COL8A1: variants seen among roughly 807,000 people sequenced by gnomAD.
COL8A1 encodes the protein collagen type VIII alpha 1 chain, also known as collagen alpha-1(VIII) chain.
COL8A1 carries 21 observed loss-of-function variants against 42.7 expected under a neutral mutation model. That is an observed-to-expected ratio of 0.49 (90% confidence interval 0.35 to 0.71). COL8A1 has a LOEUF of 0.71. Ranked by LOEUF, COL8A1 falls within the 30% of genes least tolerant of loss-of-function variation. The pLI is 0.01. For missense variants in COL8A1, 788 were observed against 962.4 expected (o/e 0.82, Z 2.40); for synonymous variants, 367 against 369.1 (o/e 0.99, Z 0.06).
At chr3:99,640,449 G>A (rs922388978) in intron 1 of COL8A1, among the ~76,000 whole-genome samples, 3 of 152,194 alleles carry the variant, frequency 2.0e-5, no homozygotes, top group African/African-American at 7.2e-5. Context: ...TCATTCACCA[G>A]ATCCCCTTGA....
intron 1 of COL8A1, among the ~76,000 whole-genome samples, chr3:99,657,751 G>T (rs1938068182): frequency 6.6e-6 from 1 of 152,060 alleles, no homozygotes; most frequent in African/African-American, 2.4e-5. Flanking sequence ...ACCCTCTGGA[G>T]ACTTTACTCT....
chr3:99,665,804 C>T (rs1242339473), intron 1 of COL8A1, among the ~76,000 whole-genome samples: 1 of 150,210 alleles, frequency 6.7e-6, no homozygotes, highest in Non-Finnish European at 1.5e-5. Flanking sequence ...GCCTCAGCTT[C>T]CCAGGTAGCT....
At chr3:99,766,526 T>G (rs1207989429) in intron 2 of COL8A1, among the ~76,000 whole-genome samples, 1 of 152,232 alleles carries the variant, frequency 6.6e-6, no homozygotes, top group Non-Finnish European at 1.5e-5. Flanking sequence ...TAACAATACT[T>G]CATTTTCCCC....
intron 1 of COL8A1, among the ~76,000 whole-genome samples, chr3:99,732,334 A>T (rs1429716171): frequency 6.6e-6 from 1 of 152,158 alleles, no homozygotes; most frequent in Non-Finnish European, 1.5e-5. Context: ...GACATACCCA[A>T]GACTTGGTAA....
intron 2 of COL8A1, among the ~76,000 whole-genome samples, chr3:99,753,571 T>A (rs553158584): frequency 7.2e-5 from 11 of 152,198 alleles, no homozygotes; most frequent in African/African-American, 1.2e-4. Flanking sequence ...TGGATCACAA[T>A]TGCCATCTAG....
At chr3:99,667,319 C>T (rs750067070) in intron 1 of COL8A1, among the ~76,000 whole-genome samples, 16 of 152,000 alleles carry the variant, frequency 1.1e-4, no homozygotes, top group Non-Finnish European at 1.8e-4. Flanking sequence ...AAATAGCATA[C>T]CTTAATTTTT....
intron 2 of COL8A1, among the ~76,000 whole-genome samples, chr3:99,751,581 A>G (rs1481585198): frequency 6.6e-6 from 1 of 152,216 alleles, no homozygotes; most frequent in Non-Finnish European, 1.5e-5. Context: ...TTATCTTCTC[A>G]GGAAAAAGTA....
At chr3:99,734,216 T>A (rs1940623610) in intron 1 of COL8A1, among the ~76,000 whole-genome samples, 1 of 142,566 alleles carries the variant, frequency 7.0e-6, no homozygotes, top group Non-Finnish European at 1.5e-5. Flanking sequence ...AGACATGAAG[T>A]CCTTGCCCAT....
chr3:99,795,086 T>C lies in COL8A1; in HGVS notation c.1185T>C (p.Pro395=), dbSNP rs1361229244. 2 of 1,612,030 alleles carry C rather than the reference T, an allele frequency of 1.2e-6. No individual in the cohort carries two copies. The highest frequency in any genetic ancestry group is 1.3e-5 in the African/African-American group (1 of 74,756). The change falls in exon 4 of 4, where the codon CCT becomes CCC. Residue 395 remains proline (P), a synonymous_variant. Transcript: ENST00000652472. The part of the protein sequence containing the change: ...IGGPPGEPGL[P]GIPGPMGPPG... ...GTCCTCCAGGAGAGCCAGGCCTGCCTGGAATCCCAGGTCCTATGGGCCCTC... is the reference window on the plus strand; with the variant it reads ...GTCCTCCAGGAGAGCCAGGCCTGCCCGGAATCCCAGGTCCTATGGGCCCTC...
intron 1 of COL8A1, among the ~76,000 whole-genome samples, chr3:99,706,908 A>G (rs1939694174): frequency 6.6e-6 from 1 of 152,194 alleles, no homozygotes; most frequent in Non-Finnish European, 1.5e-5. Flanking sequence ...GAGCTACACC[A>G]ATCTAGTTTG....
chr3:99,664,513 A>T (rs548005767), intron 1 of COL8A1, among the ~76,000 whole-genome samples: 3 of 152,204 alleles, frequency 2.0e-5, no homozygotes, highest in African/African-American at 7.2e-5. Flanking sequence ...AAAAAACTTC[A>T]ACCTCAAATT....
At chr3:99,665,848 ATT>A (rs537279334) in intron 1 of COL8A1, among the ~76,000 whole-genome samples, 4,902 of 134,134 alleles carry the variant, frequency 0.037, 137 homozygotes, top group East Asian at 0.064. Context: ...CACTTAGCTA[ATT>A]TTTTTTTTTT....
chr3:99,756,044 C>A (rs1941247800), intron 2 of COL8A1, among the ~76,000 whole-genome samples: 1 of 151,880 alleles, frequency 6.6e-6, no homozygotes, highest in South Asian at 2.1e-4. Flanking sequence ...ATGATCGGTG[C>A]CCAGTGACTC....
intron 2 of COL8A1, among the ~76,000 whole-genome samples, chr3:99,775,199 G>C (rs1346853591): frequency 6.6e-6 from 1 of 152,132 alleles, no homozygotes; most frequent in African/African-American, 2.4e-5. Context: ...TGACACAGCA[G>C]AACCTGGGCT....
rs1267620726 is a variant in COL8A1 at position 99,795,644 on chromosome 3, G to T, written c.1743G>T (p.Gln581His). ...PAVMPPTPPP[Q>H]GEYLPDMGLG... ...TGATGCCCCCTACACCACCACCCCA[G>T]GGAGAGTATCTGCCAGATATGGGGC... The change falls in exon 4 of 4, where the codon CAG becomes CAT. Residue 581 changes from glutamine to histidine, a missense_variant. Coordinates refer to ENST00000652472, the MANE Select transcript of COL8A1 (RefSeq NM_020351.4). 1 of 1,613,928 alleles carries T rather than the reference G, an allele frequency of 6.2e-7. No individual in the cohort carries two copies.
intron 1 of COL8A1, chr3:99,678,409 C>G (rs911427895): frequency 6.6e-6 from 1 of 151,994 alleles, no homozygotes; most frequent in African/African-American, 2.4e-5. Context: ...CCAGAGAAGA[C>G]TTTTAGAAGG....
At chr3:99,703,567 G>A (rs1939601135) in intron 1 of COL8A1, 1 of 152,192 alleles carries the variant, frequency 6.6e-6, no homozygotes, top group African/African-American at 2.4e-5. Context: ...GCACTTTGTA[G>A]AAAATAAGTC....
chr3:99,685,857 ACCC>A (rs963869314), intron 1 of COL8A1, among the ~76,000 whole-genome samples: 1 of 152,320 alleles, frequency 6.6e-6, no homozygotes, highest in African/African-American at 2.4e-5. Flanking sequence ...AGACTACTTT[ACCC>A]ATGTGAGGCA....
chr3:99,726,968 A>T (rs1157791835), intron 1 of COL8A1, among the ~76,000 whole-genome samples: 3 of 152,178 alleles, frequency 2.0e-5, no homozygotes, highest in Non-Finnish European at 4.4e-5. Context: ...TGGTAGCTTT[A>T]TAGGGATGGC....
Sources: gnomAD v4.1 joint callset for allele counts (sites outside exome capture counted in the v4.1 genomes callset) on GRCh38, gnomAD v4.1.1 for gene constraint, MANE v1.5 for transcripts, NCBI Gene and HGNC (gene_info 2026-07-23, HGNC 2026-07-21) for gene names.